The following ANO3 variants were observed in gnomAD, a reference collection of about 807,000 sequenced individuals.
ANO3 encodes the protein anoctamin-3.
A neutral mutation model predicts 144.8 loss-of-function variants in ANO3; 99 were observed. The ratio of observed to expected loss-of-function variants is 0.68; its 90% CI spans 0.58 to 0.81. ANO3 has a LOEUF of 0.81. Among genes scored for constraint, ANO3 ranks in the 30% least tolerant of loss-of-function variants. The pLI is 0.00. For synonymous variants in ANO3, 414 were observed against 392.6 expected (o/e 1.05, Z -0.64); for missense variants, 905 against 1,202.2 (o/e 0.75, Z 3.66).
intron 14 of ANO3, among the ~76,000 whole-genome samples, chr11:26,573,634 G>C (rs1850910839): frequency 6.6e-6 from 1 of 152,050 alleles, no homozygotes; most frequent in South Asian, 2.1e-4. Flanking sequence ...CATAAACATT[G>C]CAATGCACTT....
rs142624591 is a variant in ANO3 at position 26,215,305 on chromosome 11, G to C, written c.154+25975G>C. ...GTTTATATAACTGCTTATTTCTATTGTTATGGCCACAAAGTATACTTATTT... is the reference window on the plus strand; with the variant it reads ...GTTTATATAACTGCTTATTTCTATTCTTATGGCCACAAAGTATACTTATTT... On this transcript the variant is annotated intron_variant, in intron 1 of 27. Transcript: ENST00000672621. Among the ~76,000 whole-genome samples the C allele has an allele frequency of 3.4e-3, 521 of 151,960 alleles. 3 individuals are homozygous for C. The highest frequency in any genetic ancestry group is 0.012 in the African/African-American group (495 of 41,488).
intron 12 of ANO3, among the ~76,000 whole-genome samples, chr11:26,548,166 C>T (rs2703414): frequency 0.71 from 108,042 of 151,736 alleles, 38,772 homozygotes; most frequent in East Asian, 0.84. Flanking sequence ...ATAAATTTTA[C>T]TTAGCATCCA....
intron 1 of ANO3, among the ~76,000 whole-genome samples, chr11:26,272,461 G>A (rs1469725305): frequency 2.0e-5 from 3 of 152,102 alleles, no homozygotes; most frequent in Non-Finnish European, 2.9e-5. Context: ...CAGCCTTTAC[G>A]TGACTGCAGA....
At chr11:26,238,147 A>C (rs907751897) in intron 1 of ANO3, among the ~76,000 whole-genome samples, 2 of 152,182 alleles carry the variant, frequency 1.3e-5, no homozygotes, top group Non-Finnish European at 2.9e-5. Context: ...AATGCAACAC[A>C]GAATTAAACT....
rs140986964 is a variant in ANO3, at chr11:26,550,393, T to A, written c.1289+2843T>A. The stretch of plus-strand genomic sequence containing the variant: ...TTCTCTGGAATTTATTCATATTACA[T>A]AACTGAAACTTTTTATCCGTTTTAC... On this transcript the variant is annotated intron_variant, in intron 12 of 26. Coordinates refer to ENST00000256737, the MANE Select transcript of ANO3 (RefSeq NM_031418.4). Among the ~76,000 whole-genome samples the A allele has an allele frequency of 1.0e-3, 159 of 152,016 alleles. 1 individual carries two copies. Among genetic ancestry groups the A allele is most frequent in the African/African-American group, 3.7e-3 (153 of 41,530 alleles).
chr11:26,634,095 A>AAT, intron 18 of ANO3, 109 bp from the exon 19 acceptor site: 2 of 517,340 alleles, frequency 3.9e-6, no homozygotes, highest in Non-Finnish European at 3.4e-6. Context: ...AAAAAAAAAA[A>AAT]AAATTAAATT....
At chr11:26,584,320 G>A (rs1200449329) in intron 14 of ANO3, among the ~76,000 whole-genome samples, 3 of 151,976 alleles carry the variant, frequency 2.0e-5, no homozygotes, top group Admixed American at 6.6e-5. Flanking sequence ...CACCATGCCC[G>A]GCTAATTTTT....
At chr11:26,379,633 A>G (rs558915741) in intron 1 of ANO3, among the ~76,000 whole-genome samples, 22 of 151,928 alleles carry the variant, frequency 1.4e-4, no homozygotes, top group South Asian at 1.2e-3. Context: ...AATGCAAAAA[A>G]GAAAAAAAAA....
At position 26,512,242 on chromosome 11, in the gene ANO3, T is replaced by A. The variant is rs187225364; in HGVS notation, c.591+3980T>A. 1.2e-3 allele frequency among the ~76,000 whole-genome samples: 187 copies of A among 152,334 alleles called. 3 individuals carry two copies. The highest frequency in any genetic ancestry group is 0.012 in the Admixed American group (183 of 15,300). On this transcript the variant is annotated intron_variant, in intron 5 of 26. Transcript: ENST00000256737. ...GCTAACAATTTGCAGAGTGACTTTG[T>A]AAAAACGTAATTTTTAAGTTTTCCC...
At chr11:26,335,382 C>T (rs966696076) in intron 1 of ANO3, among the ~76,000 whole-genome samples, 1 of 151,992 alleles carries the variant, frequency 6.6e-6, no homozygotes, top group Non-Finnish European at 1.5e-5. Flanking sequence ...TAGCAGTTCC[C>T]TTATAATTTC....
intron 1 of ANO3, among the ~76,000 whole-genome samples, chr11:26,213,818 T>C (rs1851982946): frequency 6.6e-6 from 1 of 152,122 alleles, no homozygotes; most frequent in Non-Finnish European, 1.5e-5. Context: ...AAATGATATA[T>C]TTTGATTTGT....
intron 23 of ANO3, 124 bp downstream of exon 23, chr11:26,643,458 A>G (rs1458622040): frequency 8.0e-7 from 1 of 1,243,938 alleles, no homozygotes; most frequent in Non-Finnish European, 1.1e-6. Context: ...AGAGGCCTTT[A>G]AGAAGTGATT....
chr11:26,459,334 G>C (rs945800246), intron 3 of ANO3, among the ~76,000 whole-genome samples: 1 of 152,092 alleles, frequency 6.6e-6, no homozygotes, highest in African/African-American at 2.4e-5. Context: ...CTATCATGTG[G>C]TAGGAGGAAA....
chr11:26,587,291 C>T (rs1476692279), intron 14 of ANO3, among the ~76,000 whole-genome samples: 2 of 152,274 alleles, frequency 1.3e-5, no homozygotes, highest in Non-Finnish European at 2.9e-5. Context: ...GAACTAAGCA[C>T]TTTTTATGTT....
rs183689649 is a variant in ANO3, at chr11:26,645,108, T to A, written c.2428+1774T>A. 5.9e-5 allele frequency among the ~76,000 whole-genome samples: 9 copies of A among 152,286 alleles called. No homozygotes were observed. The East Asian group carries it at 1.7e-3, about 29-fold the overall frequency. ...ATATGTCTGTTCTGTTTTGTGTATT[T>A]GCTTGTTGTTTGCTGTCATTTTATT... On this transcript the variant is annotated intron_variant, in intron 23 of 26. Coordinates refer to ENST00000256737, the MANE Select transcript of ANO3 (RefSeq NM_031418.4).
chr11:26,297,948 C>T (rs913078621), intron 1 of ANO3, among the ~76,000 whole-genome samples: 1 of 152,208 alleles, frequency 6.6e-6, no homozygotes, highest in African/African-American at 2.4e-5. Context: ...ATTCTTTCCA[C>T]TATACCCTCC....
At chr11:26,314,762 T>A (rs992831093) in intron 1 of ANO3, among the ~76,000 whole-genome samples, 1 of 152,190 alleles carries the variant, frequency 6.6e-6, no homozygotes, top group African/African-American at 2.4e-5. Context: ...TAATGATAAA[T>A]TGATCCAAGT....
At chr11:26,200,764 G>A (rs1458832445) in intron 1 of ANO3, among the ~76,000 whole-genome samples, 1 of 152,092 alleles carries the variant, frequency 6.6e-6, no homozygotes, top group Non-Finnish European at 1.5e-5. Flanking sequence ...AGAGAGTATT[G>A]TCCTCTTGGT....
At chr11:26,510,479 T>A (rs1861621255) in intron 5 of ANO3, among the ~76,000 whole-genome samples, 1 of 152,214 alleles carries the variant, frequency 6.6e-6, no homozygotes, top group African/African-American at 2.4e-5. Context: ...TCTTTTGATA[T>A]CCTTGTGACT....
Sources: gnomAD v4.1 joint callset for allele counts (sites outside exome capture counted in the v4.1 genomes callset) on GRCh38, gnomAD v4.1.1 for gene constraint, MANE v1.5 for transcripts, NCBI Gene and HGNC (gene_info 2026-07-23, HGNC 2026-07-21) for gene names.